The following C3orf52 variants were observed in gnomAD, a reference collection of about 807,000 sequenced individuals.
C3orf52 encodes TPA-induced transmembrane protein.
In C3orf52, 22 loss-of-function variants were observed where a neutral mutation model predicts 24.8. That is an observed-to-expected ratio of 0.89 (90% CI 0.63 to 1.27). C3orf52 has a LOEUF of 1.27. Ranked by LOEUF, C3orf52 falls within the 50% of genes most tolerant of loss-of-function variation. C3orf52 has a pLI of 0.00. For missense variants in C3orf52, 265 were observed against 260.7 expected, an observed-to-expected ratio of 1.02 and a Z score of -0.11; for synonymous variants, 93 against 100.2, an observed-to-expected ratio of 0.93 and a Z score of 0.43.
intron 4 of C3orf52, chr3:112,123,568 G>A (rs776407613): frequency 5.6e-6 from 9 of 1,614,132 alleles, no homozygotes; most frequent in Admixed American, 3.3e-5. Context: ...TCTGGGGATC[G>A]GGCATGCCTG....
intron 4 of C3orf52, among the ~76,000 whole-genome samples, chr3:112,125,041 C>A (rs2074283378): frequency 1.3e-5 from 2 of 152,186 alleles, no homozygotes; most frequent in Non-Finnish European, 2.9e-5. Context: ...AATTATACAG[C>A]AGAAGTGGCT....
downstream of C3orf52, chr3:112,132,716 C>T: frequency 1.0e-6 from 1 of 965,674 alleles, no homozygotes; most frequent in Non-Finnish European, 1.2e-6. Flanking sequence ...AAAATAGTGG[C>T]TGAAAGAGGG....
the C3orf52 span, among the ~76,000 whole-genome samples, chr3:112,136,224 G>T: frequency 6.6e-6 from 1 of 152,226 alleles, no homozygotes; most frequent in Non-Finnish European, 1.5e-5. Context: ...ACTAGTCATT[G>T]TTTGTCTTGA....
chr3:112,104,269 C>G (rs77755432), intron 3 of C3orf52, among the ~76,000 whole-genome samples: 9,330 of 152,092 alleles, frequency 0.061, 387 homozygotes, highest in African/African-American at 0.12. Context: ...AGACTAGGAC[C>G]GTTGGGTGGG....
At position 112,109,628 on chromosome 3, in the gene C3orf52, C is replaced by T. The variant is rs749057542; in HGVS notation, c.467+15C>T. The T allele has an allele frequency of 1.4e-5, 22 of 1,533,316 alleles. No homozygotes were observed. Among genetic ancestry groups the T allele is most frequent in the East Asian group, 1.4e-4 (6 of 44,260 alleles). The allele number at this position is 1,533,316 out of a possible 1,614,324, so 95.0% of individuals were successfully genotyped here. A position where few individuals can be genotyped will look rare whatever the true frequency, so the allele number is the denominator to read the frequency against. On this transcript the variant is annotated intron_variant, in intron 4 of 5. Coordinates refer to ENST00000264848, the MANE Select transcript of C3orf52 (RefSeq NM_024616.3). The stretch of plus-strand genomic sequence containing the variant: ...GTGGACTTCAGGTAAGAGTGTGGAA[C>T]ATTACATTTTGCTCTCTTTCTCTGG...
intron 1 of C3orf52, among the ~76,000 whole-genome samples, chr3:112,088,574 C>G (rs971013078): frequency 1.4e-5 from 2 of 140,532 alleles, no homozygotes; most frequent in African/African-American, 2.8e-5. Context: ...GAGGAGTTAC[C>G]AAAATCCTCA....
chr3:112,124,727 G>A (rs2074273128), intron 4 of C3orf52, among the ~76,000 whole-genome samples: 1 of 152,200 alleles, frequency 6.6e-6, no homozygotes, highest in Non-Finnish European at 1.5e-5. Flanking sequence ...CTCAAGGGAA[G>A]GTTTCACTTA....
At position 112,093,342 on chromosome 3, in the gene C3orf52, C is replaced by T; in HGVS notation, c.139-18C>T. Reference sequence around the variant, plus strand: ...TGCAACACAATGACTGCCTCACAATCTCCCTCTGCCTTTCTAGGCTAACAA... The same window carrying T: ...TGCAACACAATGACTGCCTCACAATTTCCCTCTGCCTTTCTAGGCTAACAA... On this transcript the variant is annotated intron_variant, in intron 1 of 5. Coordinates refer to ENST00000264848, the MANE Select transcript of C3orf52 (RefSeq NM_024616.3). The T allele has an allele frequency of 1.4e-5, 23 of 1,612,838 alleles. No individual in the cohort carries two copies. Among genetic ancestry groups the T allele is most frequent in the Non-Finnish European group, 2.0e-5 (23 of 1,179,300 alleles).
At chr3:112,112,891 T>G (rs781169269) in intron 4 of C3orf52, 73 bp from the exon 5 acceptor site, 2 of 1,232,762 alleles carry the variant, frequency 1.6e-6, no homozygotes, top group Non-Finnish European at 1.2e-6. Flanking sequence ...AAAAAAAAAG[T>G]TATTGCTTAA....
chr3:112,124,241 C>T (rs908868095), intron 4 of C3orf52, among the ~76,000 whole-genome samples: 3 of 152,166 alleles, frequency 2.0e-5, no homozygotes, highest in Admixed American at 6.5e-5. Context: ...TCCTTTATAG[C>T]AACACAAGTG....
downstream of C3orf52, chr3:112,132,924 A>C (rs1221050209): frequency 9.6e-6 from 6 of 623,414 alleles, no homozygotes; most frequent in Non-Finnish European, 1.1e-5. Flanking sequence ...TGGGAAATTT[A>C]ATGTGGTATC....
intron 2 of C3orf52, among the ~76,000 whole-genome samples, chr3:112,094,682 T>G (rs916796238): frequency 6.6e-6 from 1 of 152,240 alleles, no homozygotes; most frequent in Non-Finnish European, 1.5e-5. Context: ...TCATTTAAAG[T>G]TCTTTAGGTA....
In C3orf52 at chr3:112,109,563, A is replaced by T. The variant is rs2074057838; in HGVS notation, c.417A>T (p.Thr139=). 1 of 1,601,116 alleles carries T rather than the reference A, an allele frequency of 6.2e-7. No individual in the cohort carries two copies. Among genetic ancestry groups the T allele is most frequent in the Non-Finnish European group, 8.6e-7 (1 of 1,169,020 alleles). The change falls in exon 4 of 6, where the codon ACA becomes ACT. Residue 139 remains threonine (T), a synonymous_variant. Coordinates refer to ENST00000264848, the MANE Select transcript of C3orf52 (RefSeq NM_024616.3). ...LTERLTDVYS[T]SPSLGRYFTS... ...TTTAGCTCACAGATGTGTACAGTAC[A>T]TCGCCCTCTCTGGGTCGTTATTTTA...
downstream of C3orf52, chr3:112,119,545 G>A (rs756670330): frequency 1.7e-4 from 120 of 702,698 alleles, no homozygotes; most frequent in Middle Eastern, 2.3e-4. Flanking sequence ...ACACATGTTC[G>A]TGTCTTCTTA....
chr3:112,098,509 GTTT>G (rs2073945079), intron 2 of C3orf52, among the ~76,000 whole-genome samples: 1 of 152,128 alleles, frequency 6.6e-6, no homozygotes, highest in Non-Finnish European at 1.5e-5. Context: ...ATTTTCCTGA[GTTT>G]TGGAAGTACT....
chr3:112,133,176 T>G, downstream of C3orf52: 1 of 1,598,854 alleles, frequency 6.3e-7, no homozygotes, highest in Non-Finnish European at 8.6e-7. Context: ...CTTCTTGCCT[T>G]GTGCTCTGAC....
At chr3:112,090,713 C>G (rs1002882840) in intron 1 of C3orf52, among the ~76,000 whole-genome samples, 6 of 152,074 alleles carry the variant, frequency 3.9e-5, no homozygotes, top group East Asian at 1.9e-4. Flanking sequence ...TTTGTGATCT[C>G]TAAGGGACAG....
intron 2 of C3orf52, among the ~76,000 whole-genome samples, chr3:112,096,353 A>G (rs2073927385): frequency 6.6e-6 from 1 of 152,208 alleles, no homozygotes; most frequent in African/African-American, 2.4e-5. Context: ...CATTACCCCA[A>G]AGGCCCAGGG....
chr3:112,105,148 G>T (rs2074011563), intron 3 of C3orf52, among the ~76,000 whole-genome samples: 1 of 152,222 alleles, frequency 6.6e-6, no homozygotes, highest in South Asian at 2.1e-4. Context: ...TGACATTGAT[G>T]CCTGTGGTGG....
Sources: allele counts gnomAD v4.1 joint callset (sites outside exome capture counted in the v4.1 genomes callset), GRCh38; gene constraint gnomAD v4.1.1; transcripts MANE v1.5; gene names NCBI Gene and HGNC (gene_info 2026-07-23, HGNC 2026-07-21).